The following ASIC4 variants were observed in gnomAD, a reference collection of about 807,000 sequenced individuals.
ASIC4 encodes the protein acid sensing ion channel subunit family member 4.
A neutral mutation model predicts 53.4 loss-of-function variants in ASIC4; 28 were observed. That is an observed-to-expected ratio of 0.52 (90% CI 0.39 to 0.72). The LOEUF (loss-of-function observed/expected upper bound fraction) is 0.72, where lower values mean the gene tolerates loss of function less well. Ranked by LOEUF, ASIC4 falls within the 30% of genes least tolerant of loss-of-function variation. The pLI is 0.00. For missense variants in ASIC4, 649 were observed against 729.7 expected, an observed-to-expected ratio of 0.89 and a Z score of 1.27; for synonymous variants, 289 against 301.4, an observed-to-expected ratio of 0.96 and a Z score of 0.43.
At position 219,537,578 on chromosome 2, in the gene ASIC4, TCTC is replaced by T. The variant is rs1383620984; in HGVS notation, c.1402-50_1402-48del. The T allele has an allele frequency of 3.3e-6, 5 of 1,509,228 alleles. No homozygotes were observed. The highest frequency in any genetic ancestry group is 1.8e-5 in the Admixed American group (1 of 54,708). 93.5% of individuals were successfully genotyped at this position (1,509,228 alleles called of 1,614,324 possible). ...AGCTGGGCATGGTAAGGCTCACGCT[TCTC>T]CTCAACCAAATTTCCTGAGCCCACT... On this transcript the variant is annotated intron_variant, in intron 8 of 9. Coordinates refer to ENST00000358078, the MANE Select transcript of ASIC4 (RefSeq NM_018674.6). This position sits in a 1 kb window ranked among gnomAD's most constrained non-coding sequence, Gnocchi z 4.9.
At chr2:219,514,302 A>G (rs923850073), upstream of ASIC4, 8 of 1,495,368 alleles carry the variant, frequency 5.3e-6, no homozygotes, top group African/African-American at 1.4e-5. Context: ...AACGCTGTTG[A>G]CATGTCCTGA....
intron 1 of ASIC4, 134 bp from the exon 2 acceptor site, chr2:219,531,624 G>A: frequency 2.0e-6 from 2 of 1,010,656 alleles, no homozygotes; most frequent in South Asian, 1.7e-5. Flanking sequence ...AGGCTGGGCT[G>A]TACATTGCTT....
chr2:219,508,360 T>A, the ASIC4 span, among the ~76,000 whole-genome samples: 1 of 152,172 alleles, frequency 6.6e-6, no homozygotes, highest in African/African-American at 2.4e-5. Context: ...ATCCAATAAG[T>A]CTGTGTCAGG....
At position 219,531,886 on chromosome 2, in the gene ASIC4, C is replaced by G; in HGVS notation, c.711C>G (p.Pro237=). Reference sequence around the variant, plus strand: ...ACATCCAGCAGGAGGAGTACCTGCCCATCTGGAGGGAGACAAGTACGCAGG... The same window carrying G: ...ACATCCAGCAGGAGGAGTACCTGCCGATCTGGAGGGAGACAAGTACGCAGG... The part of the protein sequence containing the change: ...MLDIQQEEYL[P]IWRETNETSF... The change falls in exon 2 of 10, where the codon CCC becomes CCG. Residue 237 remains proline (P), a synonymous_variant. Coordinates refer to ENST00000358078, the MANE Select transcript of ASIC4 (RefSeq NM_018674.6). 1 of 1,611,792 alleles carries G rather than the reference C, an allele frequency of 6.2e-7. No homozygotes were observed. Among genetic ancestry groups the G allele is most frequent in the Non-Finnish European group, 8.5e-7 (1 of 1,178,602 alleles).
At chr2:219,520,619 G>A (rs1365183130) in intron 1 of ASIC4, among the ~76,000 whole-genome samples, 5 of 152,224 alleles carry the variant, frequency 3.3e-5, no homozygotes, top group South Asian at 2.1e-4. Flanking sequence ...GGGAGAGGGT[G>A]CCCACTGAGG....
At chr2:219,511,792 C>T (rs1694705207), upstream of ASIC4, among the ~76,000 whole-genome samples, 3 of 151,980 alleles carry the variant, frequency 2.0e-5, no homozygotes, top group Non-Finnish European at 1.5e-5. This position sits in a 1 kb window ranked among gnomAD's most constrained non-coding sequence, Gnocchi z 5.3. Context: ...GGGCCGGGCC[C>T]CAGGGACCAG....
chr2:219,511,618 C>T (rs1694702727), upstream of ASIC4, among the ~76,000 whole-genome samples: 1 of 152,186 alleles, frequency 6.6e-6, no homozygotes, highest in Non-Finnish European at 1.5e-5. The surrounding 1 kb of genome is among the most constrained non-coding windows in gnomAD (Gnocchi z 5.3). Context: ...GGGTCCCTAA[C>T]AGCCCTGCCC....
At chr2:219,510,528 T>TAA (rs1694687389), upstream of ASIC4, among the ~76,000 whole-genome samples, 2 of 152,022 alleles carry the variant, frequency 1.3e-5, no homozygotes, top group Non-Finnish European at 2.9e-5. This position sits in a 1 kb window ranked among gnomAD's most constrained non-coding sequence, Gnocchi z 5.2. Flanking sequence ...ACAGACTTTG[T>TAA]TAGTTTCTGG....
At chr2:219,530,484 C>T (rs2125665956) in intron 1 of ASIC4, among the ~76,000 whole-genome samples, 1 of 152,356 alleles carries the variant, frequency 6.6e-6, no homozygotes, top group South Asian at 2.1e-4. Context: ...GGCTCCTGCT[C>T]CTGTGCGGCA....
chr2:219,534,569 A>G (rs946841259), intron 5 of ASIC4, among the ~76,000 whole-genome samples: 1 of 152,168 alleles, frequency 6.6e-6, no homozygotes, highest in Non-Finnish European at 1.5e-5. Context: ...TGTTGGCCAA[A>G]CTGAACCCAA....
intron 1 of ASIC4, among the ~76,000 whole-genome samples, chr2:219,526,769 C>T (rs942192911): frequency 3.9e-5 from 6 of 152,114 alleles, no homozygotes; most frequent in Non-Finnish European, 8.8e-5. Flanking sequence ...TGTCAGTGTA[C>T]AGCACAGACA....
intron 1 of ASIC4, among the ~76,000 whole-genome samples, chr2:219,521,510 G>C (rs2125659304): frequency 6.6e-6 from 1 of 152,316 alleles, no homozygotes; most frequent in South Asian, 2.1e-4. Flanking sequence ...TCCAGGCAGG[G>C]GGCAGGAAGG....
rs368379642 is a variant in ASIC4 at position 219,535,225 on chromosome 2, T to G, written c.1130T>G (p.Leu377Arg). ...TGCTTCTGCCCCACCCCCTGCAACC[T>G]GACACGCTATGGGAAAGAGATCTCC... ...GPCFCPTPCN[L>R]TRYGKEISMV... The change falls in exon 6 of 10, where the codon CTG becomes CGG. Residue 377 changes from leucine to arginine, a missense_variant. By Grantham distance (102) the Leu-to-Arg change is moderately radical. Coordinates refer to ENST00000358078, the MANE Select transcript of ASIC4 (RefSeq NM_018674.6). The G allele has an allele frequency of 6.2e-6, 10 of 1,614,032 alleles. No homozygotes were observed. The highest frequency in any genetic ancestry group is 8.5e-6 in the Non-Finnish European group (10 of 1,179,952).
intron 1 of ASIC4, among the ~76,000 whole-genome samples, chr2:219,519,649 G>A (rs559670958): frequency 6.6e-5 from 10 of 152,354 alleles, no homozygotes; most frequent in Non-Finnish European, 1.2e-4. Context: ...CTTGAAATGC[G>A]ATTAGTGCGA....
In ASIC4 at chr2:219,537,141, C is replaced by T. The variant is rs774461189; in HGVS notation, c.1305C>T (p.Gly435=). The change falls in exon 7 of 10, where the codon GGC becomes GGT. Residue 435 remains glycine, a synonymous_variant. Transcript: ENST00000358078. The surrounding 1 kb of genome is among the most constrained non-coding windows in gnomAD (Gnocchi z 4.9). ...CCATGGAGCAGCGAGCAGCCTATGG[C>T]CTGTCAGCCCTGCTGGGTGAGACTG... ...SEAMEQRAAY[G]LSALLGDLGG... 2 of 1,614,078 alleles carry T rather than the reference C, an allele frequency of 1.2e-6. No individual in the cohort carries two copies. Among genetic ancestry groups the T allele is most frequent in the Admixed American group, 3.3e-5 (2 of 60,024 alleles).
In ASIC4 at chr2:219,517,758, G is replaced by A. The variant is rs1047534499; in HGVS notation, c.582+2452G>A. The stretch of plus-strand genomic sequence containing the variant: ...GACCTGGAGTCAATGATGGGGATTT[G>A]GGGTCTATGGTGGGGAGATGGGTAT... On this transcript the variant is annotated intron_variant, in intron 1 of 9. Coordinates refer to ENST00000358078, the MANE Select transcript of ASIC4 (RefSeq NM_018674.6). The surrounding 1 kb of genome is among the most constrained non-coding windows in gnomAD (Gnocchi z 4.2). Among the ~76,000 whole-genome samples the A allele has an allele frequency of 6.6e-6, 1 of 152,138 alleles. No individual in the cohort carries two copies.
chr2:219,537,429 G>T lies in ASIC4; in HGVS notation c.1401+108G>T, dbSNP rs1447863727. ...GGCCTGGCTGGAAAGTCAGGTTCAG[G>T]GTTCTCTGCCAGGGTCCCCTGACTG... On this transcript the variant is annotated intron_variant, in intron 8 of 9. Transcript: ENST00000358078. The surrounding 1 kb of genome is among the most constrained non-coding windows in gnomAD (Gnocchi z 4.9). 2.2e-6 allele frequency: 3 copies of T among 1,340,864 alleles called. No homozygotes were observed. The highest frequency in any genetic ancestry group is 3.1e-6 in the Non-Finnish European group (3 of 964,732). 83.1% of individuals were successfully genotyped at this position (1,340,864 alleles called of 1,614,324 possible).
Position 219,514,788 on chromosome 2 carries a change from G to A in ASIC4, c.64G>A (p.Glu22Lys). The A allele has an allele frequency of 6.2e-7, 1 of 1,613,500 alleles. No individual in the cohort carries two copies. ...AEEDAKPKEK[E>K]AGDEQSLLGA... is the part of the protein sequence containing the mutation. Reference sequence around the variant, plus strand: ...GGAGGATGCGAAACCCAAGGAGAAGGAGGCAGGGGATGAGCAGAGCCTCCT... The same window carrying A: ...GGAGGATGCGAAACCCAAGGAGAAGAAGGCAGGGGATGAGCAGAGCCTCCT... Residue 22 changes from glutamate to lysine, a missense_variant, in exon 1 of 10, where the codon GAG becomes AAG. Glu to Lys is a moderately conservative substitution (Grantham distance 56). Coordinates refer to ENST00000358078, the MANE Select transcript of ASIC4 (RefSeq NM_018674.6).
upstream of ASIC4, chr2:219,514,371 C>CGGCT: frequency 6.5e-7 from 1 of 1,545,518 alleles, no homozygotes; most frequent in Non-Finnish European, 8.7e-7. Flanking sequence ...TGGGGCTGCG[C>CGGCT]GGCGTGGCGG....
Sources: allele counts gnomAD v4.1 joint callset (sites outside exome capture counted in the v4.1 genomes callset), GRCh38; gene constraint gnomAD v4.1.1; non-coding constraint Gnocchi (gnomAD v3.1); transcripts MANE v1.5; gene names NCBI Gene and HGNC (gene_info 2026-07-23, HGNC 2026-07-21).